HMGXB4: variants seen among roughly 807,000 people sequenced by gnomAD.
HMGXB4 encodes HMG domain-containing protein 4.
HMGXB4 carries 27 observed loss-of-function variants against 63.9 expected under a neutral mutation model. The ratio of observed to expected loss-of-function variants is 0.42; its 90% CI spans 0.31 to 0.58. HMGXB4 has a LOEUF of 0.58. Among genes scored for constraint, HMGXB4 ranks in the 20% least tolerant of loss-of-function variants. HMGXB4 has a pLI of 0.13. For missense variants in HMGXB4, 624 were observed against 700.7 expected (o/e 0.89, Z 1.24); for synonymous variants, 264 against 265.3 (o/e 0.99, Z 0.05).
intron 6 of HMGXB4, among the ~76,000 whole-genome samples, chr22:35,284,610 T>A (rs1377076983): frequency 6.6e-6 from 1 of 152,228 alleles, no homozygotes; most frequent in East Asian, 1.9e-4. Context: ...GTTGAATATC[T>A]TATGTAATGT....
chr22:35,258,830 A>T lies in HMGXB4; in HGVS notation c.-69+1273A>T, dbSNP rs138444150. On this transcript the variant is annotated intron_variant, in intron 1 of 10. Coordinates refer to ENST00000216106, the MANE Select transcript of HMGXB4 (RefSeq NM_001003681.3). ...AAGAAGAGAATGCAGAATCTTGGAC[A>T]TGGCTCTCATCCTGGAACAGACCTG... Among the ~76,000 whole-genome samples, 236 of 152,300 alleles carry T rather than the reference A, an allele frequency of 1.5e-3. 2 individuals carry two copies. The highest frequency in any genetic ancestry group is 5.6e-3 in the African/African-American group (231 of 41,548).
rs975232457 is a variant in HMGXB4, at chr22:35,265,405, CTCCAAG to C, written c.1024_1029del (p.Ser342_Lys343del). ...AGGAGAAGCATAAAGAGAAGCGACA[CTCCAAG>C]TCCAAGAGAAGTTTAGGACTTTCTG... On this transcript the variant is annotated inframe_deletion, in exon 5 of 11. Coordinates refer to ENST00000216106, the MANE Select transcript of HMGXB4 (RefSeq NM_001003681.3). 20 of 1,613,960 alleles carry C rather than the reference CTCCAAG, an allele frequency of 1.2e-5. No individual in the cohort carries two copies. The highest frequency in any genetic ancestry group is 1.7e-5 in the Admixed American group (1 of 59,988).
chr22:35,279,572 C>T (rs1482351189), intron 5 of HMGXB4, among the ~76,000 whole-genome samples: 2 of 151,844 alleles, frequency 1.3e-5, no homozygotes, highest in Admixed American at 1.3e-4. Flanking sequence ...TCAAGATCAT[C>T]TCCTGTGTTA....
At chr22:35,268,060 C>T (rs59071179) in intron 5 of HMGXB4, among the ~76,000 whole-genome samples, 13 of 152,134 alleles carry the variant, frequency 8.5e-5, no homozygotes, top group African/African-American at 2.7e-4. Flanking sequence ...GTCCAGCCTG[C>T]GCGACAGCGT....
chr22:35,285,820 T>C (rs1052379702), intron 6 of HMGXB4, among the ~76,000 whole-genome samples, 177 bp from the exon 7 acceptor site: 1 of 152,188 alleles, frequency 6.6e-6, no homozygotes, highest in Non-Finnish European at 1.5e-5. Context: ...AAACATCCCC[T>C]TCCCTATAGA....
intron 5 of HMGXB4, among the ~76,000 whole-genome samples, chr22:35,270,187 C>T (rs1923520823): frequency 6.6e-6 from 1 of 152,156 alleles, no homozygotes; most frequent in Non-Finnish European, 1.5e-5. Flanking sequence ...AGCTTCATCT[C>T]TATTTACAGC....
intron 5 of HMGXB4, among the ~76,000 whole-genome samples, chr22:35,270,936 G>C (rs1187602519): frequency 6.6e-6 from 1 of 152,072 alleles, no homozygotes; most frequent in Non-Finnish European, 1.5e-5. Flanking sequence ...ATATTTTCCT[G>C]GGTTTTGTTT....
At chr22:35,272,914 A>G (rs1335352646) in intron 5 of HMGXB4, among the ~76,000 whole-genome samples, 1 of 152,254 alleles carries the variant, frequency 6.6e-6, no homozygotes, top group Non-Finnish European at 1.5e-5. Context: ...AGCCTGGGCA[A>G]CAGCGAGACT....
chr22:35,271,697 A>G (rs1037818711), intron 5 of HMGXB4, among the ~76,000 whole-genome samples: 2 of 152,248 alleles, frequency 1.3e-5, no homozygotes, highest in Non-Finnish European at 2.9e-5. Context: ...GGGACGCCAC[A>G]TCAGACTCAC....
intron 4 of HMGXB4, chr22:35,264,127 A>G: frequency 7.3e-7 from 1 of 1,362,372 alleles, no homozygotes; most frequent in Non-Finnish European, 1.0e-6. Flanking sequence ...CCAATCATCC[A>G]CTTATCTTGT....
chr22:35,264,520 A>C, intron 4 of HMGXB4, 128 bp from the exon 5 acceptor site: 1 of 696,610 alleles, frequency 1.4e-6, no homozygotes. Context: ...GAATCAGTTA[A>C]AGGGTCTCCC....
intron 5 of HMGXB4, among the ~76,000 whole-genome samples, chr22:35,266,460 A>AG (rs1465417579): frequency 2.0e-5 from 3 of 152,234 alleles, no homozygotes; most frequent in Non-Finnish European, 4.4e-5. Flanking sequence ...TAAAAACACA[A>AG]GCAGGACATA....
chr22:35,284,723 A>T (rs1266917571), intron 6 of HMGXB4, among the ~76,000 whole-genome samples: 1 of 152,250 alleles, frequency 6.6e-6, no homozygotes, highest in African/African-American at 2.4e-5. Flanking sequence ...TAAAGTTGAA[A>T]AATCAAAAGT....
chr22:35,270,187 CTATT>C (rs1466613477), intron 5 of HMGXB4, among the ~76,000 whole-genome samples: 1 of 152,156 alleles, frequency 6.6e-6, no homozygotes, highest in Non-Finnish European at 1.5e-5. Context: ...AGCTTCATCT[CTATT>C]TACAGCCACT....
chr22:35,263,247 T>G, intron 3 of HMGXB4, 21 bp downstream of exon 3: 1 of 1,594,064 alleles, frequency 6.3e-7, no homozygotes, highest in Non-Finnish European at 8.5e-7. Flanking sequence ...AAAATTTAAA[T>G]TAGGAAAGTC....
At chr22:35,261,464 T>TA (rs980888071) in intron 1 of HMGXB4, among the ~76,000 whole-genome samples, 7 of 152,006 alleles carry the variant, frequency 4.6e-5, no homozygotes, top group Non-Finnish European at 1.0e-4. Context: ...CCTTTTACCT[T>TA]ACAGTGCATT....
intron 1 of HMGXB4, among the ~76,000 whole-genome samples, chr22:35,259,369 G>A (rs921848393): frequency 1.8e-4 from 28 of 152,016 alleles, no homozygotes; most frequent in African/African-American, 6.5e-4. Context: ...ATTGAGACTG[G>A]GTTTTAACAC....
chr22:35,265,086 G>A lies in HMGXB4; in HGVS notation c.698G>A (p.Gly233Asp), dbSNP rs1923121524. The A allele has an allele frequency of 1.2e-6, 2 of 1,614,090 alleles. No homozygotes were observed. The highest frequency in any genetic ancestry group is 1.1e-5 in the South Asian group (1 of 91,076). The change falls in exon 5 of 11, where the codon GGT becomes GAT. Residue 233 changes from glycine (G) to aspartate (D), a missense_variant. Coordinates refer to ENST00000216106, the MANE Select transcript of HMGXB4 (RefSeq NM_001003681.3). ...AAGAAATCAGCTCGGGATGAGCAGG[G>A]TGCTTTACTCCTAGGACATGAGTTA... The part of the protein sequence containing the change: ...SSKKSARDEQ[G>D]ALLLGHELQS...
At chr22:35,264,597 T>G in intron 4 of HMGXB4, 51 bp from the exon 5 acceptor site, 1 of 1,319,600 alleles carries the variant, frequency 7.6e-7, no homozygotes, top group Non-Finnish European at 1.0e-6. Flanking sequence ...AGGAAACTTG[T>G]TAGAAGTTGC....
Sources: allele counts gnomAD v4.1 joint callset (sites outside exome capture counted in the v4.1 genomes callset), GRCh38; gene constraint gnomAD v4.1.1; transcripts MANE v1.5; gene names NCBI Gene and HGNC (gene_info 2026-07-23, HGNC 2026-07-21).